Variants in ZNF280B observed in about 807,000 individuals in gnomAD.
ZNF280B encodes zinc finger protein 280B, also known as suppressor of hairy wing homolog 2.
In ZNF280B, 16 loss-of-function variants were observed where a neutral mutation model predicts 38.0. That is an observed-to-expected ratio of 0.42 (90% CI 0.28 to 0.64). The LOEUF is 0.64. Among genes scored for constraint, ZNF280B ranks in the 30% least tolerant of loss-of-function variants. The pLI is 0.21. For missense variants in ZNF280B, 581 were observed against 639.6 expected, an observed-to-expected ratio of 0.91 and a Z score of 0.99; for synonymous variants, 253 against 230.6, an observed-to-expected ratio of 1.10 and a Z score of -0.88.
intron 2 of ZNF280B, among the ~76,000 whole-genome samples, chr22:22,501,200 G>C (rs1439129677): frequency 6.6e-6 from 1 of 151,742 alleles, no homozygotes; most frequent in East Asian, 2.0e-4. Context: ...TGAAACTACT[G>C]AACTATTAAT....
At chr22:22,503,892 A>T (rs888474339) in intron 2 of ZNF280B, among the ~76,000 whole-genome samples, 1 of 151,944 alleles carries the variant, frequency 6.6e-6, no homozygotes, top group South Asian at 2.1e-4. Flanking sequence ...ATGACTCCCT[A>T]TGTAACTTGG....
At chr22:22,508,405 G>A (rs1223898035) in intron 1 of ZNF280B, among the ~76,000 whole-genome samples, 3 of 151,922 alleles carry the variant, frequency 2.0e-5, no homozygotes, top group Non-Finnish European at 4.4e-5. Flanking sequence ...CGGGGGTGGG[G>A]GCGTCTGCGT....
At chr22:22,499,451 G>A (rs913510900) in intron 2 of ZNF280B, among the ~76,000 whole-genome samples, 1 of 151,598 alleles carries the variant, frequency 6.6e-6, no homozygotes. Context: ...ATTTTTAGTA[G>A]AGACATGGTT....
In ZNF280B at chr22:22,489,171, A is replaced by T; in HGVS notation, c.228T>A (p.Asp76Glu). ...TGCGAGCAGTATCTTTTCTAAGGTG[A>T]TCATACTTTTTTCTCCTTGACCATG... ...PGSWSRRKKY[D>E]HLRKDTARKL... The change falls in exon 4 of 4, where the codon GAT becomes GAA. Residue 76 changes from aspartate to glutamate, a missense_variant. Coordinates refer to ENST00000626650, the MANE Select transcript of ZNF280B (RefSeq NM_080764.4). 1 of 1,613,770 alleles carries T rather than the reference A, an allele frequency of 6.2e-7. No homozygotes were observed. Among genetic ancestry groups the T allele is most frequent in the Non-Finnish European group, 8.5e-7 (1 of 1,179,958 alleles).
At chr22:22,492,213 A>C (rs969366556) in intron 3 of ZNF280B, among the ~76,000 whole-genome samples, 1 of 151,904 alleles carries the variant, frequency 6.6e-6, no homozygotes, top group South Asian at 2.1e-4. Context: ...ATGCCAGAAA[A>C]AATATAAGGC....
Position 22,488,462 on chromosome 22 carries a change from C to G in ZNF280B, c.937G>C (p.Val313Leu), listed in dbSNP as rs35870543. 1.2e-6 allele frequency: 2 copies of G among 1,613,860 alleles called. No homozygotes were observed. The highest frequency in any genetic ancestry group is 1.1e-5 in the South Asian group (1 of 91,060). The part of the protein sequence containing the change: ...THTTFKCLSC[V>L]KVLKNVKFMN... ...AACTTAACATTTTTTAGAACTTTCACGCAGCTGAGGCATTTAAAGGTGGTG... is the reference window on the plus strand; with the variant it reads ...AACTTAACATTTTTTAGAACTTTCAGGCAGCTGAGGCATTTAAAGGTGGTG... The change falls in exon 4 of 4, where the codon GTG becomes CTG. Residue 313 changes from valine (V) to leucine (L), a missense_variant. By Grantham distance (32) the Val-to-Leu change is conservative. Coordinates refer to ENST00000626650, the MANE Select transcript of ZNF280B (RefSeq NM_080764.4).
chr22:22,505,315 C>T (rs2061912628), intron 2 of ZNF280B, among the ~76,000 whole-genome samples: 1 of 151,934 alleles, frequency 6.6e-6, no homozygotes, highest in African/African-American at 2.4e-5. Flanking sequence ...TCTGTAATCC[C>T]AACACTTTGG....
chr22:22,491,712 C>A lies in ZNF280B; in HGVS notation c.-68-2246G>T, dbSNP rs531477174. Among the ~76,000 whole-genome samples, 21 of 151,926 alleles carry A rather than the reference C, an allele frequency of 1.4e-4. No individual in the cohort carries two copies. The South Asian group carries it at 4.4e-3, about 32-fold the overall frequency. On this transcript the variant is annotated intron_variant, in intron 3 of 3. Transcript: ENST00000626650. Reference sequence around the variant, plus strand: ...TGACCTTGTGATTCACCAGCCTCGGCCTCCCAAAGTGCTGGGATTACAAGC... The same window carrying A: ...TGACCTTGTGATTCACCAGCCTCGGACTCCCAAAGTGCTGGGATTACAAGC...
Position 22,488,125 on chromosome 22 carries a change from C to T in ZNF280B, c.1274G>A (p.Cys425Tyr), listed in dbSNP as rs1235067263. The change falls in exon 4 of 4, where the codon TGC becomes TAC. Residue 425 changes from cysteine (C) to tyrosine (Y), a missense_variant. By Grantham distance (194) the Cys-to-Tyr change is radical. Coordinates refer to ENST00000626650, the MANE Select transcript of ZNF280B (RefSeq NM_080764.4). ...FADVETHFRT[C>Y]HENTKNLLCP... is the part of the protein sequence containing the mutation. ...AAGCAAATTCTTTGTGTTTTCATGG[C>T]ACGTTCTAAAATGTGTTTCTACATC... 5.0e-6 allele frequency: 8 copies of T among 1,613,842 alleles called. No homozygotes were observed. Among genetic ancestry groups the T allele is most frequent in the Non-Finnish European group, 6.8e-6 (8 of 1,179,944 alleles).
At chr22:22,490,130 A>C (rs1051265045) in intron 3 of ZNF280B, among the ~76,000 whole-genome samples, 8 of 151,788 alleles carry the variant, frequency 5.3e-5, no homozygotes, top group African/African-American at 9.6e-5. Context: ...AGATAATCTC[A>C]TCCCAACTCA....
rs1301404898 is a variant in ZNF280B at position 22,488,794 on chromosome 22, G to A, written c.605C>T (p.Ser202Leu). 1.9e-6 allele frequency: 3 copies of A among 1,613,754 alleles called. No individual in the cohort carries two copies. Among genetic ancestry groups the A allele is most frequent in the African/African-American group, 1.3e-5 (1 of 74,866 alleles). Residue 202 changes from serine to leucine, a missense_variant, in exon 4 of 4, where the codon TCA (serine) becomes TTA (leucine). By Grantham distance (145) the Ser-to-Leu change is moderately radical (BLOSUM62 -2). Transcript: ENST00000626650. ...DGIIEGNSSASFPSDTFHTMN... is the reference protein window; with the variant it reads ...DGIIEGNSSALFPSDTFHTMN... ...TGTATGAAAGGTATCTGAAGGGAAT[G>A]AAGCTGAAGAATTTCCTTCTATAAT...
chr22:22,496,729 G>A (rs1484239393), intron 2 of ZNF280B, among the ~76,000 whole-genome samples: 1 of 151,622 alleles, frequency 6.6e-6, no homozygotes, highest in Non-Finnish European at 1.5e-5. Flanking sequence ...AGTCCTGGTG[G>A]CCTAAAATCT....
intron 2 of ZNF280B, among the ~76,000 whole-genome samples, chr22:22,499,616 A>C (rs2061776345): frequency 6.6e-6 from 1 of 152,028 alleles, no homozygotes; most frequent in Admixed American, 6.6e-5. Context: ...CAGAAAAAAC[A>C]CTTGACAAAA....
chr22:22,489,753 C>T (rs2061556476), intron 3 of ZNF280B, among the ~76,000 whole-genome samples: 1 of 151,740 alleles, frequency 6.6e-6, no homozygotes, highest in Non-Finnish European at 1.5e-5. Context: ...ATGAGGGCAT[C>T]ATTGTGCAGT....
intron 2 of ZNF280B, among the ~76,000 whole-genome samples, chr22:22,504,426 GA>G (rs1314633209): frequency 1.6e-3 from 193 of 121,216 alleles, no homozygotes; most frequent in Admixed American, 2.1e-3. Context: ...GACTCCGTCT[GA>G]AAAAAAAAAA....
intron 3 of ZNF280B, among the ~76,000 whole-genome samples, chr22:22,492,279 T>C (rs1335924181): frequency 6.6e-6 from 1 of 151,906 alleles, no homozygotes; most frequent in Non-Finnish European, 1.5e-5. Context: ...TCTGTCTATA[T>C]ACAACTTCAA....
intron 2 of ZNF280B, among the ~76,000 whole-genome samples, chr22:22,501,226 G>A (rs555493551): frequency 6.6e-6 from 1 of 151,686 alleles, no homozygotes; most frequent in Non-Finnish European, 1.5e-5. Context: ...AATGGTTAAG[G>A]TGGTAAATTA....
chr22:22,487,709 T>C lies in ZNF280B; in HGVS notation c.*58A>G. 1 of 1,447,344 alleles carries C rather than the reference T, an allele frequency of 6.9e-7. No homozygotes were observed. Among genetic ancestry groups the C allele is most frequent in the Admixed American group, 2.4e-5 (1 of 42,240 alleles). The allele number at this position is 1,447,344 out of a possible 1,614,324, so 89.7% of individuals were successfully genotyped here. A position where few individuals can be genotyped will look rare whatever the true frequency, so the allele number is the denominator to read the frequency against. On this transcript the variant is annotated 3_prime_UTR_variant, in exon 4 of 4. Coordinates refer to ENST00000626650, the MANE Select transcript of ZNF280B (RefSeq NM_080764.4). The stretch of plus-strand genomic sequence containing the variant: ...ATAATGTATGGTTTGTATTTTTTGT[T>C]TTATGAGGTTTTTTAATTTGGTTTG...
Position 22,488,828 on chromosome 22 carries a change from T to G in ZNF280B, c.571A>C (p.Arg191=). The change falls in exon 4 of 4, where the codon AGG becomes CGG. Residue 191 remains arginine, a synonymous_variant. Coordinates refer to ENST00000626650, the MANE Select transcript of ZNF280B (RefSeq NM_080764.4). ...NSINPKRAKL[R]DGIIEGNSSA... Reference sequence around the variant, plus strand: ...GAATTTCCTTCTATAATTCCATCCCTGAGTTTAGCCCTTTTGGGATTTATG... The same window carrying G: ...GAATTTCCTTCTATAATTCCATCCCGGAGTTTAGCCCTTTTGGGATTTATG... The G allele has an allele frequency of 6.2e-7, 1 of 1,613,844 alleles. No individual in the cohort carries two copies.
Sources: gnomAD v4.1 joint callset for allele counts (sites outside exome capture counted in the v4.1 genomes callset) on GRCh38, gnomAD v4.1.1 for gene constraint, MANE v1.5 for transcripts, NCBI Gene and HGNC (gene_info 2026-07-23, HGNC 2026-07-21) for gene names.